Variants in OPCML observed in about 807,000 individuals in gnomAD.
OPCML encodes the protein opioid binding protein/cell adhesion molecule like, also known as opioid-binding protein/cell adhesion molecule.
Under a neutral mutation model 37.8 loss-of-function variants are expected in OPCML, and 13 were observed. The ratio of observed to expected loss-of-function variants is 0.34; its 90% confidence interval spans 0.22 to 0.55. The LOEUF (loss-of-function observed/expected upper bound fraction) is 0.55. OPCML is among the 20% of genes least tolerant of loss of function. OPCML has a pLI of 0.91. For synonymous variants in OPCML, 176 were observed against 168.8 expected, an observed-to-expected ratio of 1.04 and a Z score of -0.33; for missense variants, 341 against 435.6, an observed-to-expected ratio of 0.78 and a Z score of 1.93.
intron 4 of OPCML, among the ~76,000 whole-genome samples, chr11:132,494,679 C>T (rs991160218): frequency 2.0e-5 from 3 of 152,070 alleles, no homozygotes; most frequent in Non-Finnish European, 4.4e-5. Context: ...AATTTAAATC[C>T]ACTGGTGAGG....
chr11:133,204,040 C>T (rs1386146928), intron 1 of OPCML, among the ~76,000 whole-genome samples: 1 of 101,998 alleles, frequency 9.8e-6, no homozygotes, highest in Non-Finnish European at 1.7e-5. Context: ...CCTGGGGGGA[C>T]AGAGCGAGAC....
chr11:132,695,018 G>C (rs1367234676), intron 2 of OPCML, among the ~76,000 whole-genome samples: 1 of 152,224 alleles, frequency 6.6e-6, no homozygotes, highest in African/African-American at 2.4e-5. Flanking sequence ...TTGTTGAGAA[G>C]AACGGACTCC....
chr11:133,026,325 G>T, intron 1 of OPCML: 1 of 943,466 alleles, frequency 1.1e-6, no homozygotes, highest in Non-Finnish European at 1.3e-6. Context: ...GTCAACATTT[G>T]ATAGTTTTCC....
At chr11:132,626,592 A>G (rs1162838401) in intron 3 of OPCML, among the ~76,000 whole-genome samples, 1 of 151,926 alleles carries the variant, frequency 6.6e-6, no homozygotes, top group African/African-American at 2.4e-5. Flanking sequence ...ATATGAATGA[A>G]TTTTTCTCCA....
intron 1 of OPCML, among the ~76,000 whole-genome samples, chr11:133,287,747 A>C (rs1273940576): frequency 6.6e-6 from 1 of 152,096 alleles, no homozygotes; most frequent in Non-Finnish European, 1.5e-5. Context: ...GAAAGGAGGC[A>C]GAGAGCAGTG....
chr11:133,005,744 T>C (rs943016607), intron 1 of OPCML: 1 of 979,292 alleles, frequency 1.0e-6, no homozygotes, highest in Non-Finnish European at 1.2e-6. Context: ...AAAAAGCTTT[T>C]CTTTCTTTTT....
At chr11:132,486,397 C>A (rs956424683) in intron 4 of OPCML, among the ~76,000 whole-genome samples, 1 of 152,050 alleles carries the variant, frequency 6.6e-6, no homozygotes, top group African/African-American at 2.4e-5. Context: ...CTGACAAATG[C>A]AATTTCTTCA....
intron 3 of OPCML, among the ~76,000 whole-genome samples, chr11:132,630,312 C>A (rs888168921): frequency 1.3e-5 from 2 of 152,174 alleles, no homozygotes; most frequent in Admixed American, 6.5e-5. Flanking sequence ...GTAATCCCAG[C>A]ACTTTGGGAG....
chr11:132,996,119 G>C (rs989790028), intron 1 of OPCML, among the ~76,000 whole-genome samples: 3 of 152,066 alleles, frequency 2.0e-5, no homozygotes, highest in Non-Finnish European at 2.9e-5. Context: ...TTGAAGGAGA[G>C]TTCTACACAG....
At chr11:132,609,540 G>A (rs1938512099) in intron 3 of OPCML, among the ~76,000 whole-genome samples, 1 of 152,120 alleles carries the variant, frequency 6.6e-6, no homozygotes, top group East Asian at 1.9e-4. Flanking sequence ...CAGGCTGCAA[G>A]CCTTTGCACG....
chr11:133,025,610 A>T (rs569039703), intron 1 of OPCML: 7 of 362,654 alleles, frequency 1.9e-5, no homozygotes, highest in Non-Finnish European at 2.7e-5. Flanking sequence ...TTTAATCAAC[A>T]TGAGGTCTCA....
At chr11:132,599,314 AAGGAGGAGGAGAAGAAGG>A (rs758304337) in intron 3 of OPCML, among the ~76,000 whole-genome samples, 2 of 149,242 alleles carry the variant, frequency 1.3e-5, no homozygotes, top group South Asian at 4.4e-4. Context: ...AAAGAAGAAG[AAGGAGGAGGAGAAGAAGG>A]AGGAGGAGGA....
At chr11:132,700,606 T>C (rs879794834) in intron 2 of OPCML, among the ~76,000 whole-genome samples, 8 of 152,210 alleles carry the variant, frequency 5.3e-5, no homozygotes, top group Non-Finnish European at 1.2e-4. Context: ...ATTCCTCCTA[T>C]TATCAATCTC....
intron 3 of OPCML, among the ~76,000 whole-genome samples, chr11:132,626,598 C>A (rs1350424391): frequency 2.0e-5 from 3 of 151,948 alleles, no homozygotes; most frequent in Non-Finnish European, 1.5e-5. Flanking sequence ...ATGAATTTTT[C>A]TCCAGTAAGG....
intron 2 of OPCML, among the ~76,000 whole-genome samples, chr11:132,897,647 A>G (rs905056885): frequency 7.2e-5 from 11 of 152,222 alleles, no homozygotes; most frequent in Non-Finnish European, 1.5e-4. Flanking sequence ...GGACAGCTGC[A>G]GCACCTCAGC....
At chr11:133,414,543 CT>C (rs1457365939) in intron 1 of OPCML, among the ~76,000 whole-genome samples, 1 of 152,070 alleles carries the variant, frequency 6.6e-6, no homozygotes, top group African/African-American at 2.4e-5. Context: ...CAAAAATAAA[CT>C]GAAAATCACT....
intron 4 of OPCML, among the ~76,000 whole-genome samples, chr11:132,479,497 A>G (rs569411747): frequency 2.4e-4 from 36 of 152,192 alleles, no homozygotes; most frequent in African/African-American, 7.0e-4. Context: ...AAGCAGCCAG[A>G]AAGCTCGAAC....
intron 2 of OPCML, among the ~76,000 whole-genome samples, chr11:132,714,613 A>G (rs541491413): frequency 6.6e-6 from 1 of 152,308 alleles, no homozygotes; most frequent in Admixed American, 6.5e-5. Context: ...CTTGACAGAA[A>G]ACCTATAGTT....
intron 1 of OPCML, among the ~76,000 whole-genome samples, chr11:133,041,370 T>C (rs1479033051): frequency 6.6e-6 from 1 of 152,210 alleles, no homozygotes; most frequent in Non-Finnish European, 1.5e-5. Context: ...CAAACAGCAG[T>C]GACACCTTAT....
Sources: allele counts gnomAD v4.1 joint callset (sites outside exome capture counted in the v4.1 genomes callset), GRCh38; gene constraint gnomAD v4.1.1; transcripts MANE v1.5; gene names NCBI Gene and HGNC (gene_info 2026-07-23, HGNC 2026-07-21).